Variants in SCIN observed in about 807,000 individuals in gnomAD.
SCIN encodes the protein adseverin.
In SCIN, 91 loss-of-function variants were observed where a neutral mutation model predicts 91.8. The ratio of observed to expected loss-of-function variants is 0.99; its 90% confidence interval spans 0.84 to 1.18. The LOEUF (loss-of-function observed/expected upper bound fraction) is 1.18. Ranked by LOEUF, SCIN falls within the 50% of genes most tolerant of loss-of-function variation. The pLI, the probability that SCIN is intolerant of heterozygous loss-of-function variation, is 0.00. For synonymous variants in SCIN, 367 were observed against 312.6 expected (o/e 1.17, Z -1.84); for missense variants, 1,087 against 863.9 (o/e 1.26, Z -3.24).
In SCIN at chr7:12,622,074, GTTAA is replaced by G. The variant is rs962281096; in HGVS notation, c.667-721_667-718del. Among the ~76,000 whole-genome samples, 67 of 151,854 alleles carry G rather than the reference GTTAA, an allele frequency of 4.4e-4. 1 individual carries two copies. Among genetic ancestry groups the G allele is most frequent in the African/African-American group, 1.6e-3 (66 of 41,496 alleles). On this transcript the variant is annotated intron_variant, in intron 4 of 15. Transcript: ENST00000297029. Reference sequence around the variant, plus strand: ...GTCCTTGACATTCTATGCTGTTTGTGTTAATTAATAAATTAATTAAGGTACTCAT... The same window carrying G: ...GTCCTTGACATTCTATGCTGTTTGTGTTAATAAATTAATTAAGGTACTCAT...
At chr7:12,630,026 G>A (rs1783609890) in intron 9 of SCIN, among the ~76,000 whole-genome samples, 1 of 152,026 alleles carries the variant, frequency 6.6e-6, no homozygotes, top group Non-Finnish European at 1.5e-5. Context: ...TACAAAGGCA[G>A]GGCAGACGCC....
chr7:12,594,480 C>G (rs1039610137), intron 3 of SCIN, among the ~76,000 whole-genome samples: 20 of 152,128 alleles, frequency 1.3e-4, no homozygotes, highest in African/African-American at 4.8e-4. Flanking sequence ...TTGTCTAAGT[C>G]TCTAAGTATA....
intron 1 of SCIN, among the ~76,000 whole-genome samples, chr7:12,575,654 G>T (rs1782355250): frequency 1.3e-5 from 2 of 152,146 alleles, no homozygotes; most frequent in African/African-American, 2.4e-5. Context: ...ATGTACACAA[G>T]TCTAACATAA....
chr7:12,643,841 C>G (rs1020234434), intron 11 of SCIN, among the ~76,000 whole-genome samples: 16 of 152,232 alleles, frequency 1.1e-4, no homozygotes, highest in African/African-American at 3.9e-4. Context: ...TCACACATCA[C>G]ACTTGTTTGA....
chr7:12,628,044 TG>T (rs1783566107), intron 8 of SCIN, among the ~76,000 whole-genome samples: 1 of 151,492 alleles, frequency 6.6e-6, no homozygotes, highest in Non-Finnish European at 1.5e-5. Context: ...TGTGTGTGTG[TG>T]TGTGTGTGTG....
At position 12,635,611 on chromosome 7, in the gene SCIN, CAAAAAAAAAAA is replaced by C. The variant is rs59324421; in HGVS notation, c.1320-413_1320-403del. On this transcript the variant is annotated intron_variant, in intron 9 of 15. Transcript: ENST00000297029. ...CGGGCGACAGTGCAGGACTCCGTCT[CAAAAAAAAAAA>C]AAAAAAAAAAAAAAAAAAAAGGCAA... Among the ~76,000 whole-genome samples, 14 of 5,856 alleles carry C rather than the reference CAAAAAAAAAAA, an allele frequency of 2.4e-3. 1 individual carries two copies. Among genetic ancestry groups the C allele is most frequent in the East Asian group, 8.8e-3 (1 of 114 alleles). The allele number at this position is 5,856 out of a possible 152,430, so 3.8% of individuals were successfully genotyped here.
chr7:12,640,747 A>T (rs562134721), intron 11 of SCIN, among the ~76,000 whole-genome samples: 9 of 152,232 alleles, frequency 5.9e-5, no homozygotes, highest in Admixed American at 1.3e-4. Context: ...CCAAACAGAT[A>T]AATTTTTAAG....
chr7:12,617,313 T>G (rs1376601737), intron 4 of SCIN, among the ~76,000 whole-genome samples: 1 of 152,094 alleles, frequency 6.6e-6, no homozygotes, highest in Non-Finnish European at 1.5e-5. Context: ...ATTTTAAGTG[T>G]GGAAATTAGA....
At chr7:12,611,517 G>A (rs1057292167) in intron 4 of SCIN, among the ~76,000 whole-genome samples, 1 of 152,064 alleles carries the variant, frequency 6.6e-6, no homozygotes, top group Non-Finnish European at 1.5e-5. Context: ...TTTAAATAAA[G>A]AATGATTGTT....
intron 4 of SCIN, among the ~76,000 whole-genome samples, chr7:12,617,069 C>T (rs1397951869): frequency 6.6e-6 from 1 of 151,922 alleles, no homozygotes; most frequent in Non-Finnish European, 1.5e-5. Context: ...AGTGTAAGTC[C>T]ATGAGGAGGT....
chr7:12,591,605 T>C (rs1033042228), intron 3 of SCIN, among the ~76,000 whole-genome samples: 2 of 152,150 alleles, frequency 1.3e-5, no homozygotes, highest in Middle Eastern at 3.4e-3. Context: ...AGTTTGGAGT[T>C]TGTGGAAGCT....
intron 8 of SCIN, among the ~76,000 whole-genome samples, chr7:12,627,246 C>T (rs1364706273): frequency 6.6e-6 from 1 of 152,068 alleles, no homozygotes; most frequent in Non-Finnish European, 1.5e-5. Flanking sequence ...TCAGCTGGAC[C>T]CTTGACCCTT....
chr7:12,646,873 C>T (rs1368519118), intron 13 of SCIN, among the ~76,000 whole-genome samples: 1 of 152,096 alleles, frequency 6.6e-6, no homozygotes, highest in African/African-American at 2.4e-5. Flanking sequence ...AATGATTTGA[C>T]CTACAAGTTA....
chr7:12,623,293 A>G (rs1000373835), intron 5 of SCIN, among the ~76,000 whole-genome samples: 2 of 152,108 alleles, frequency 1.3e-5, no homozygotes, highest in African/African-American at 2.4e-5. Context: ...TTTAGCCATA[A>G]TGAAGGAGTT....
At position 12,658,436 on chromosome 7, in the gene SCIN, C is replaced by G. The variant is rs1264838946; in HGVS notation, c.*5721C>G. On this transcript the variant is annotated 3_prime_UTR_variant, in exon 16 of 16. Coordinates refer to ENST00000297029, the MANE Select transcript of SCIN (RefSeq NM_001112706.3). ...GATGCTATGTAGGTGAAAATCTCTC[C>G]TAATGCATTCCCTTTCCAACGAACC... is the stretch of plus-strand genomic sequence containing the variant. The G allele has an allele frequency of 6.6e-6, 1 of 152,200 alleles. No individual in the cohort carries two copies. The highest frequency in any genetic ancestry group is 2.4e-5 in the African/African-American group (1 of 41,450). The allele number at this position is 152,200 out of a possible 1,614,324, so 9.4% of individuals were successfully genotyped here. A position where few individuals can be genotyped will look rare whatever the true frequency, so the allele number is the denominator to read the frequency against.
At chr7:12,631,785 A>T (rs1328025479) in intron 9 of SCIN, among the ~76,000 whole-genome samples, 1 of 152,200 alleles carries the variant, frequency 6.6e-6, no homozygotes, top group Non-Finnish European at 1.5e-5. Flanking sequence ...GTATTCTGTT[A>T]TAAGCAACAG....
In SCIN at chr7:12,657,566, ATATATATTTTTTTTTT is replaced by A. The variant is rs1376882607; in HGVS notation, c.*4853_*4868del. ...TATATATATATATATATATATATAT[ATATATATTTTTTTTTT>A]TTTTTTTTTTTTTTTTGCATTGGCA... is the stretch of plus-strand genomic sequence containing the variant. On this transcript the variant is annotated 3_prime_UTR_variant, in exon 16 of 16. Coordinates refer to ENST00000297029, the MANE Select transcript of SCIN (RefSeq NM_001112706.3). 719 of 23,340 alleles carry A rather than the reference ATATATATTTTTTTTTT, an allele frequency of 0.031. 2 individuals are homozygous for A. Among genetic ancestry groups the A allele is most frequent in the Non-Finnish European group, 0.046 (572 of 12,420 alleles). The allele number at this position is 23,340 out of a possible 1,614,324, so 1.4% of individuals were successfully genotyped here.
At chr7:12,606,608 A>C (rs1223347950) in intron 4 of SCIN, among the ~76,000 whole-genome samples, 1 of 152,174 alleles carries the variant, frequency 6.6e-6, no homozygotes, top group Non-Finnish European at 1.5e-5. Flanking sequence ...AGAATATAAA[A>C]TTTTATATGC....
At chr7:12,614,221 G>A (rs1020985118) in intron 4 of SCIN, among the ~76,000 whole-genome samples, 5 of 152,152 alleles carry the variant, frequency 3.3e-5, no homozygotes, top group Non-Finnish European at 1.5e-5. Flanking sequence ...TGGCTCACTG[G>A]TAGGCTGAAC....
Sources: allele counts gnomAD v4.1 joint callset (sites outside exome capture counted in the v4.1 genomes callset), GRCh38; gene constraint gnomAD v4.1.1; transcripts MANE v1.5; gene names NCBI Gene and HGNC (gene_info 2026-07-23, HGNC 2026-07-21).